CCDC125: variants seen among roughly 807,000 people sequenced by gnomAD.
The protein encoded by CCDC125 is coiled-coil domain-containing protein 125.
In CCDC125, 43 loss-of-function variants were observed where a neutral mutation model predicts 57.4. The observed-to-expected ratio is 0.75, with a 90% CI of 0.59 to 0.97. The LOEUF is 0.97. Among genes scored for constraint, CCDC125 ranks in the 50% least tolerant of loss-of-function variants. CCDC125 has a pLI of 0.00. For synonymous variants in CCDC125, 187 were observed against 195.2 expected, an observed-to-expected ratio of 0.96 and a Z score of 0.35; for missense variants, 563 against 595.7, an observed-to-expected ratio of 0.95 and a Z score of 0.57.
At chr5:69,316,125 T>C (rs1759062810) in intron 2 of CCDC125, among the ~76,000 whole-genome samples, 1 of 152,190 alleles carries the variant, frequency 6.6e-6, no homozygotes, top group Admixed American at 6.5e-5. Context: ...CTGTGATTGA[T>C]GATACAGGCT....
In CCDC125 at chr5:69,280,512, A is replaced by G. The variant is rs1312042115; in HGVS notation, c.*2217T>C. 1 of 152,224 alleles carries G rather than the reference A, an allele frequency of 6.6e-6. No individual in the cohort carries two copies. Among genetic ancestry groups the G allele is most frequent in the Non-Finnish European group, 1.5e-5 (1 of 68,042 alleles). The allele number at this position is 152,224 out of a possible 1,614,324, so 9.4% of individuals were successfully genotyped here. On this transcript the variant is annotated 3_prime_UTR_variant, in exon 12 of 12. Transcript: ENST00000396496. ...AAGGGAGTTTCTCCAGCAATAATCA[A>G]TGCTGTCTCACCCTTACGAGCAGCC... is the stretch of plus-strand genomic sequence containing the variant.
In CCDC125 at chr5:69,332,784, CCG is replaced by C; in HGVS notation, c.-178_-177del. On this transcript the variant is annotated 5_prime_UTR_variant, in exon 1 of 12. Coordinates refer to ENST00000396496, the MANE Select transcript of CCDC125 (RefSeq NM_176816.5). ...GCTCACCTGGCAAGTAGCCTCCTCTCCGTGCGCGTGCGCCGCTGCCGCCGCGC... is the reference window on the plus strand; with the variant it reads ...GCTCACCTGGCAAGTAGCCTCCTCTCTGCGCGTGCGCCGCTGCCGCCGCGC... 1 of 152,570 alleles carries C rather than the reference CCG, an allele frequency of 6.6e-6. No homozygotes were observed. Among genetic ancestry groups the C allele is most frequent in the East Asian group, 1.9e-4 (1 of 5,200 alleles). 9.5% of individuals were successfully genotyped at this position (152,570 alleles called of 1,614,324 possible). A position where few individuals can be genotyped will look rare whatever the true frequency, so the allele number is the denominator to read the frequency against.
chr5:69,282,955 G>A lies in CCDC125; in HGVS notation c.1310C>T (p.Thr437Ile). Reference sequence around the variant, plus strand: ...TTTTTCTTTATTCTCGTTTGAAGCAGTGTCTTTGTCTTCCAATGCCCGAGC... The same window carrying A: ...TTTTTCTTTATTCTCGTTTGAAGCAATGTCTTTGTCTTCCAATGCCCGAGC... ...MLARALEDKD[T>I]ASNENKEKNP... is the part of the protein sequence containing the mutation. The change falls in exon 12 of 12, where the codon ACT becomes ATT. Residue 437 changes from threonine to isoleucine, a missense_variant. Physicochemically the swap from Thr to Ile is moderately conservative, Grantham distance 89. Transcript: ENST00000396496. 6 of 1,613,694 alleles carry A rather than the reference G, an allele frequency of 3.7e-6. No individual in the cohort carries two copies. Among genetic ancestry groups the A allele is most frequent in the Non-Finnish European group, 5.1e-6 (6 of 1,179,910 alleles).
chr5:69,295,983 A>G (rs2150376717), intron 8 of CCDC125, among the ~76,000 whole-genome samples: 2 of 150,536 alleles, frequency 1.3e-5, no homozygotes, highest in South Asian at 4.2e-4. Context: ...TCCTGGGTTC[A>G]CGCCATTGTC....
At chr5:69,310,827 G>A (rs1003921748) in intron 4 of CCDC125, 31 of 181,672 alleles carry the variant, frequency 1.7e-4, no homozygotes, top group African/African-American at 7.1e-4. Flanking sequence ...ATAGGGGTGG[G>A]AATGAGGAAT....
intron 8 of CCDC125, among the ~76,000 whole-genome samples, chr5:69,297,396 G>A (rs1028008814): frequency 1.3e-5 from 2 of 151,720 alleles, no homozygotes; most frequent in South Asian, 2.1e-4. Flanking sequence ...TTTTGCTCTC[G>A]TTGCCCAGGC....
In CCDC125 at chr5:69,286,229, TATATAA is replaced by T. The variant is rs1160411729; in HGVS notation, c.1100-768_1100-763del. 6.3e-4 allele frequency among the ~76,000 whole-genome samples: 74 copies of T among 116,740 alleles called. 1 individual carries two copies. The highest frequency in any genetic ancestry group is 1.9e-3 in the African/African-American group (56 of 29,032). 76.6% of individuals were successfully genotyped at this position (116,740 alleles called of 152,430 possible). ...ATATATATATATATATATATATATA[TATATAA>T]TTTTTTTTTTTTTTTAGATGGAGTC... On this transcript the variant is annotated intron_variant, in intron 10 of 11. Coordinates refer to ENST00000396496, the MANE Select transcript of CCDC125 (RefSeq NM_176816.5).
At chr5:69,297,118 T>G (rs1254285782) in intron 8 of CCDC125, among the ~76,000 whole-genome samples, 1 of 152,158 alleles carries the variant, frequency 6.6e-6, no homozygotes, top group Non-Finnish European at 1.5e-5. Context: ...TAGGCTGGAG[T>G]GCAGTGGTAC....
At chr5:69,324,290 A>G (rs535964045) in intron 1 of CCDC125, among the ~76,000 whole-genome samples, 11 of 152,366 alleles carry the variant, frequency 7.2e-5, no homozygotes, top group African/African-American at 2.6e-4. Context: ...TCAGGCAATT[A>G]TAACTTAAAC....
downstream of CCDC125, chr5:69,276,979 G>T: frequency 1.3e-6 from 1 of 778,296 alleles, no homozygotes. Context: ...TTTAACAAGT[G>T]CTACTGGAAA....
At chr5:69,302,605 G>A (rs1008148037) in intron 7 of CCDC125, among the ~76,000 whole-genome samples, 6 of 151,020 alleles carry the variant, frequency 4.0e-5, no homozygotes, top group Admixed American at 1.3e-4. Flanking sequence ...TGCACCTGTA[G>A]TCCCAGCTAC....
At chr5:69,306,682 T>G (rs757124183) in intron 6 of CCDC125, 135 bp downstream of exon 6, 99 of 1,017,088 alleles carry the variant, frequency 9.7e-5, no homozygotes, top group Non-Finnish European at 1.2e-4. Context: ...AACAAAAATA[T>G]GCGACTAGTA....
chr5:69,331,072 G>A (rs1330624999), intron 1 of CCDC125, among the ~76,000 whole-genome samples: 1 of 152,032 alleles, frequency 6.6e-6, no homozygotes, highest in Non-Finnish European at 1.5e-5. Flanking sequence ...GGAGGCTGAG[G>A]CGGGCAGATC....
chr5:69,285,074 G>C (rs761881596), intron 11 of CCDC125, among the ~76,000 whole-genome samples: 4 of 151,934 alleles, frequency 2.6e-5, no homozygotes, highest in Non-Finnish European at 4.4e-5. Context: ...TCCAGCCTGG[G>C]TGACAGAGAC....
At chr5:69,309,031 C>T (rs950708271) in intron 4 of CCDC125, 9 of 152,710 alleles carry the variant, frequency 5.9e-5, no homozygotes, top group African/African-American at 1.9e-4. Context: ...GAAGAAATTT[C>T]TAAGCAGCAA....
intron 1 of CCDC125, among the ~76,000 whole-genome samples, chr5:69,322,421 T>C (rs911238071): frequency 6.6e-6 from 1 of 152,096 alleles, no homozygotes; most frequent in Non-Finnish European, 1.5e-5. Flanking sequence ...CCTGTGTATT[T>C]CCTTGGATCC....
At chr5:69,273,144 G>A in the CCDC125 span, 1 of 808,174 alleles carries the variant, frequency 1.2e-6, no homozygotes, top group East Asian at 2.8e-5. Flanking sequence ...TTAAATACTG[G>A]AAAGATGTGT....
At chr5:69,277,132 T>C (rs1360275650), downstream of CCDC125, 1 of 1,599,504 alleles carries the variant, frequency 6.3e-7, no homozygotes, top group Middle Eastern at 1.7e-4. Flanking sequence ...AACTAATTTT[T>C]TAAAGAGAAC....
intron 2 of CCDC125, 136 bp from the exon 3 acceptor site, chr5:69,314,182 A>C (rs28462372): frequency 0.87 from 542,001 of 620,502 alleles, 238,881 homozygotes; most frequent in Non-Finnish European, 0.91. Context: ...TTATAATAGA[A>C]CACCAGGTGC....
Sources: gnomAD v4.1 joint callset for allele counts (sites outside exome capture counted in the v4.1 genomes callset) on GRCh38, gnomAD v4.1.1 for gene constraint, MANE v1.5 for transcripts, NCBI Gene and HGNC (gene_info 2026-07-23, HGNC 2026-07-21) for gene names.